PARD3B: variants seen among roughly 807,000 people sequenced by gnomAD.
PARD3B encodes par-3 family cell polarity regulator beta.
PARD3B carries 103 observed loss-of-function variants against 130.2 expected under a neutral mutation model. That is an observed-to-expected ratio of 0.79 (90% CI 0.67 to 0.93). The LOEUF (loss-of-function observed/expected upper bound fraction) is 0.93, where lower values mean the gene tolerates loss of function less well. PARD3B is among the 40% of genes least tolerant of loss of function. The probability of loss-of-function intolerance (pLI) is 0.00; values close to 1 mark genes in which losing one functional copy is unlikely to be tolerated. For synonymous variants in PARD3B, 583 were observed against 553.2 expected (o/e 1.05, Z -0.76); for missense variants, 1,609 against 1,499.2 (o/e 1.07, Z -1.21).
intron 10 of PARD3B, among the ~76,000 whole-genome samples, chr2:205,132,018 A>G (rs1447816272): frequency 6.6e-6 from 1 of 152,160 alleles, no homozygotes; most frequent in Admixed American, 6.5e-5. Context: ...CTTCTGTAAC[A>G]CAGGGACTAG....
Position 205,292,804 on chromosome 2 carries a change from G to C in PARD3B, c.2186-7726G>C, listed in dbSNP as rs1202053271. 1.3e-5 allele frequency among the ~76,000 whole-genome samples: 2 copies of C among 152,160 alleles called. No homozygotes were observed. The highest frequency in any genetic ancestry group is 2.9e-5 in the Non-Finnish European group (2 of 68,026). On this transcript the variant is annotated intron_variant, in intron 16 of 22. Transcript: ENST00000406610. The surrounding 1 kb of genome is among the most constrained non-coding windows in gnomAD (Gnocchi z 5.3). ...GTACAGGAAAAAAATTTAGTGAACT[G>C]TAAAGCCACAGAAAATGTTAGTTAT...
chr2:205,459,347 G>C (rs2048373649), intron 20 of PARD3B, among the ~76,000 whole-genome samples: 1 of 151,920 alleles, frequency 6.6e-6, no homozygotes, highest in South Asian at 2.1e-4. Flanking sequence ...TCTCATGAGA[G>C]TAAGAATGCA....
rs1466695675 is a variant in PARD3B at position 205,619,744 on chromosome 2, C to T, written c.*3931C>T. 1 of 152,184 alleles carries T rather than the reference C, an allele frequency of 6.6e-6. No homozygotes were observed. The highest frequency in any genetic ancestry group is 2.4e-5 in the African/African-American group (1 of 41,444). The allele number at this position is 152,184 out of a possible 1,614,324, so 9.4% of individuals were successfully genotyped here. On this transcript the variant is annotated 3_prime_UTR_variant, in exon 23 of 23. Coordinates refer to ENST00000406610, the MANE Select transcript of PARD3B (RefSeq NM_001302769.2). ...AGTGAAACTCTTTTCTCCCTCATGT[C>T]CTTAAATAGTCACAGAATCACACAC...
intron 1 of PARD3B, among the ~76,000 whole-genome samples, chr2:204,649,868 T>C (rs2035417996): frequency 6.6e-6 from 1 of 152,190 alleles, no homozygotes; most frequent in African/African-American, 2.4e-5. Flanking sequence ...AGAGTTCATC[T>C]TGGAGATGCC....
intron 2 of PARD3B, among the ~76,000 whole-genome samples, chr2:204,844,039 A>T (rs2044361836): frequency 6.6e-6 from 1 of 152,180 alleles, no homozygotes; most frequent in Non-Finnish European, 1.5e-5. Flanking sequence ...TAGCAAATTA[A>T]CAGGAGAGAG....
At chr2:205,156,753 A>G (rs1277887327) in intron 10 of PARD3B, among the ~76,000 whole-genome samples, 1 of 152,212 alleles carries the variant, frequency 6.6e-6, no homozygotes, top group African/African-American at 2.4e-5. Context: ...GAAATGAAGT[A>G]GTCAATCATT....
At chr2:205,537,654 T>G (rs991690703) in intron 21 of PARD3B, among the ~76,000 whole-genome samples, 2 of 152,178 alleles carry the variant, frequency 1.3e-5, no homozygotes, top group Non-Finnish European at 2.9e-5. Context: ...TAGTTGGAGA[T>G]GGACTCACTC....
rs6706927 is a variant in PARD3B at position 205,116,630 on chromosome 2, C to T, written c.681-2291C>T. On this transcript the variant is annotated intron_variant, in intron 6 of 22. Coordinates refer to ENST00000406610, the MANE Select transcript of PARD3B (RefSeq NM_001302769.2). This position sits in a 1 kb window ranked among gnomAD's most constrained non-coding sequence, Gnocchi z 4.5. ...CCCAAATGAGACAGCTACCACAGCC[C>T]ACCAGTTCAGGGCAAAGAGGATAAT... Among the ~76,000 whole-genome samples the T allele has an allele frequency of 0.032, 4,858 of 152,182 alleles. 259 individuals carry two copies. Among genetic ancestry groups the T allele is most frequent in the African/African-American group, 0.11 (4,591 of 41,506 alleles).
intron 3 of PARD3B, among the ~76,000 whole-genome samples, chr2:205,022,571 T>C (rs1050566013): frequency 2.0e-5 from 3 of 152,170 alleles, no homozygotes; most frequent in African/African-American, 7.2e-5. Context: ...TTTAGTTAGA[T>C]TACAATAGAA....
At chr2:205,286,316 A>G (rs1269852337) in intron 16 of PARD3B, among the ~76,000 whole-genome samples, 5 of 152,188 alleles carry the variant, frequency 3.3e-5, no homozygotes, top group Admixed American at 2.0e-4. Flanking sequence ...ATAGATATAT[A>G]TAAGAATGTG....
At chr2:205,110,634 G>GA (rs1311693305) in intron 5 of PARD3B, among the ~76,000 whole-genome samples, 1 of 104,686 alleles carries the variant, frequency 9.6e-6, no homozygotes, top group Non-Finnish European at 2.1e-5. Flanking sequence ...TCTGTTTTTT[G>GA]TTTTTTGTTT....
intron 1 of PARD3B, among the ~76,000 whole-genome samples, chr2:204,592,786 C>T (rs1357452875): frequency 5.9e-5 from 9 of 152,186 alleles, no homozygotes; most frequent in African/African-American, 2.2e-4. Flanking sequence ...CCTATTCCCA[C>T]CAGCCCTTGA....
intron 3 of PARD3B, among the ~76,000 whole-genome samples, chr2:205,009,692 G>GT (rs1263963658): frequency 6.6e-6 from 1 of 150,872 alleles, no homozygotes; most frequent in African/African-American, 2.4e-5. Context: ...AAAAAATAGT[G>GT]TACACACCAA....
chr2:205,193,049 T>C (rs1336037326), intron 14 of PARD3B, among the ~76,000 whole-genome samples, 156 bp from the exon 15 acceptor site: 1 of 152,214 alleles, frequency 6.6e-6, no homozygotes, highest in Non-Finnish European at 1.5e-5. Context: ...TTGCTACATC[T>C]CATAAAAGAA....
At chr2:205,516,796 A>AC in intron 21 of PARD3B, among the ~76,000 whole-genome samples, 1 of 151,896 alleles carries the variant, frequency 6.6e-6, no homozygotes, top group South Asian at 2.1e-4. Context: ...GACTTCCAAT[A>AC]CTCTGTTGAT....
chr2:204,972,388 A>C (rs920750365), intron 3 of PARD3B, among the ~76,000 whole-genome samples: 5 of 152,160 alleles, frequency 3.3e-5, no homozygotes, highest in Admixed American at 2.0e-4. Context: ...TCAGAAAAAT[A>C]AAAATTACCA....
chr2:204,650,606 A>G (rs779603680), intron 1 of PARD3B, among the ~76,000 whole-genome samples: 1 of 152,190 alleles, frequency 6.6e-6, no homozygotes, highest in African/African-American at 2.4e-5. Flanking sequence ...AGGAACATGG[A>G]TGGAGTAGGA....
intron 20 of PARD3B, among the ~76,000 whole-genome samples, chr2:205,456,225 C>A (rs1390998777): frequency 1.3e-5 from 2 of 152,068 alleles, no homozygotes; most frequent in African/African-American, 4.8e-5. Context: ...ATTGCTTAAT[C>A]ATGCTATGGA....
At chr2:205,151,925 T>A (rs2033786798) in intron 10 of PARD3B, among the ~76,000 whole-genome samples, 1 of 152,352 alleles carries the variant, frequency 6.6e-6, no homozygotes, top group Non-Finnish European at 1.5e-5. Context: ...TGTTTAGTGC[T>A]TCCTTCAGGA....
Sources: gnomAD v4.1 joint callset for allele counts (sites outside exome capture counted in the v4.1 genomes callset) on GRCh38, gnomAD v4.1.1 for gene constraint, Gnocchi (gnomAD v3.1) non-coding constraint, MANE v1.5 for transcripts, NCBI Gene and HGNC (gene_info 2026-07-23, HGNC 2026-07-21) for gene names.